The following CNTNAP2 variants were observed in gnomAD, a reference collection of about 807,000 sequenced individuals.
CNTNAP2 encodes contactin-associated protein-like 2.
Under a neutral mutation model 155.2 loss-of-function variants are expected in CNTNAP2, and 98 were observed. The ratio of observed to expected loss-of-function variants is 0.63; its 90% CI spans 0.54 to 0.75. CNTNAP2 has a LOEUF of 0.75. Among genes scored for constraint, CNTNAP2 ranks in the 30% least tolerant of loss-of-function variants. The pLI, the probability that CNTNAP2 is intolerant of heterozygous loss-of-function variation, is 0.00. For synonymous variants in CNTNAP2, 651 were observed against 631.2 expected, an observed-to-expected ratio of 1.03 and a Z score of -0.47; for missense variants, 1,727 against 1,688.1, an observed-to-expected ratio of 1.02 and a Z score of -0.40.
At chr7:148,042,675 G>A (rs578199413) in intron 15 of CNTNAP2, among the ~76,000 whole-genome samples, 2 of 152,120 alleles carry the variant, frequency 1.3e-5, no homozygotes, top group Non-Finnish European at 2.9e-5. Flanking sequence ...CACCTCCTGG[G>A]TATTCACGAT....
intron 12 of CNTNAP2, among the ~76,000 whole-genome samples, chr7:147,595,977 T>C (rs532128975): frequency 5.4e-4 from 82 of 152,030 alleles, no homozygotes; most frequent in African/African-American, 1.6e-3. Flanking sequence ...TGATTTTTTG[T>C]TTTTTTTGGC....
At chr7:146,861,906 A>G (rs1328302372) in intron 3 of CNTNAP2, among the ~76,000 whole-genome samples, 8 of 152,182 alleles carry the variant, frequency 5.3e-5, no homozygotes, top group Admixed American at 3.9e-4. Context: ...TGGCAACTCA[A>G]TTAACCTCTG....
chr7:146,912,221 G>T lies in CNTNAP2; in HGVS notation c.402+72317G>T, dbSNP rs1405697906. On this transcript the variant is annotated intron_variant, in intron 3 of 23. Coordinates refer to ENST00000361727, the MANE Select transcript of CNTNAP2 (RefSeq NM_014141.6). ...TAAATTTTCTTAAAATAGACTATTA[G>T]GATGCAGATGTTCTTGCTGACAGGT... 2.0e-5 allele frequency among the ~76,000 whole-genome samples: 3 copies of T among 150,068 alleles called. No homozygotes were observed. In the Admixed American group the frequency reaches 2.0e-4, roughly 10 times the overall value.
At chr7:147,638,614 G>A (rs1310476925) in intron 12 of CNTNAP2, among the ~76,000 whole-genome samples, 1 of 152,106 alleles carries the variant, frequency 6.6e-6, no homozygotes, top group Non-Finnish European at 1.5e-5. Context: ...TGCCTAAAAG[G>A]TCAGTGTGAA....
chr7:148,297,176 G>GGAAGGAAGGAAT (rs1444117638), intron 21 of CNTNAP2, among the ~76,000 whole-genome samples: 1 of 147,970 alleles, frequency 6.8e-6, no homozygotes, highest in Non-Finnish European at 1.5e-5. Context: ...AAGGAAGGAA[G>GGAAGGAAGGAAT]GAAGGAAGGA....
chr7:146,333,147 G>T (rs1414251196), intron 1 of CNTNAP2, among the ~76,000 whole-genome samples: 1 of 151,858 alleles, frequency 6.6e-6, no homozygotes, highest in Non-Finnish European at 1.5e-5. Flanking sequence ...GTTTCACCAT[G>T]TTGGCCAGCC....
rs556823933 is a variant in CNTNAP2 at position 147,557,544 on chromosome 7, C to A, written c.1778-4594C>A. On this transcript the variant is annotated intron_variant, in intron 11 of 23. Transcript: ENST00000361727. ...CTCAATTATCGACAATGGTTCAGAC[C>A]CTTCTGTTTCTTCAGTGGCTGCTGC... Among the ~76,000 whole-genome samples the A allele has an allele frequency of 2.3e-4, 35 of 152,152 alleles. No individual in the cohort carries two copies. In the East Asian group the frequency reaches 6.8e-3, roughly 29 times the overall value.
Position 147,956,060 on chromosome 7 carries a change from A to T in CNTNAP2, c.2256-21802A>T, listed in dbSNP as rs375540504. On this transcript the variant is annotated intron_variant, in intron 14 of 23. Coordinates refer to ENST00000361727, the MANE Select transcript of CNTNAP2 (RefSeq NM_014141.6). Reference sequence around the variant, plus strand: ...CCAGAATTTATAGCTTACTTAGCCTACTTAGCTACTTGCTTTGCTCATATA... The same window carrying T: ...CCAGAATTTATAGCTTACTTAGCCTTCTTAGCTACTTGCTTTGCTCATATA... Among the ~76,000 whole-genome samples the T allele has an allele frequency of 3.3e-5, 5 of 152,166 alleles. No individual in the cohort carries two copies. In the East Asian group the frequency reaches 9.6e-4, roughly 29 times the overall value.
At chr7:148,120,044 A>T (rs1804567056) in intron 16 of CNTNAP2, among the ~76,000 whole-genome samples, 1 of 151,712 alleles carries the variant, frequency 6.6e-6, no homozygotes, top group African/African-American at 2.4e-5. Flanking sequence ...CATAAGTTGG[A>T]TCAAATTTTA....
chr7:148,337,955 C>T (rs76972993), intron 21 of CNTNAP2, among the ~76,000 whole-genome samples: 9,045 of 152,212 alleles, frequency 0.059, 357 homozygotes, highest in Middle Eastern at 0.13. Context: ...AATTTACATA[C>T]GATAAAATCC....
chr7:147,283,309 G>T (rs2116730255), intron 8 of CNTNAP2, among the ~76,000 whole-genome samples: 1 of 151,576 alleles, frequency 6.6e-6, no homozygotes, highest in South Asian at 2.1e-4. Context: ...TGATTGTATA[G>T]TTCAAAGGCT....
intron 3 of CNTNAP2, among the ~76,000 whole-genome samples, chr7:146,996,223 T>C (rs188165570): frequency 1.8e-3 from 272 of 152,194 alleles, no homozygotes; most frequent in Non-Finnish European, 3.3e-3. Context: ...TGTGAAAAAG[T>C]AAATTTATGA....
intron 15 of CNTNAP2, among the ~76,000 whole-genome samples, chr7:148,082,106 C>T (rs761721009): frequency 1.3e-5 from 2 of 151,758 alleles, no homozygotes; most frequent in African/African-American, 2.4e-5. Flanking sequence ...GTCATCAGGC[C>T]GGCTTTTAAA....
At chr7:146,501,554 G>A (rs1244958262) in intron 1 of CNTNAP2, among the ~76,000 whole-genome samples, 1 of 151,812 alleles carries the variant, frequency 6.6e-6, no homozygotes, top group Non-Finnish European at 1.5e-5. Flanking sequence ...TTAAAATCCT[G>A]GTAGTAATAT....
In CNTNAP2 at chr7:147,486,014, G is replaced by A; in HGVS notation, c.1750G>A (p.Gly584Arg). The A allele has an allele frequency of 6.2e-7, 1 of 1,614,052 alleles. No individual in the cohort carries two copies. Among genetic ancestry groups the A allele is most frequent in the Non-Finnish European group, 8.5e-7 (1 of 1,179,940 alleles). The change falls in exon 11 of 24, where the codon GGA (glycine) becomes AGA (arginine). Residue 584 changes from glycine (G) to arginine (R), a missense_variant. Coordinates refer to ENST00000361727, the MANE Select transcript of CNTNAP2 (RefSeq NM_014141.6). Reference protein sequence around the residue: ...DSFKCTCDETGYSGATCHNSI... With the variant: ...DSFKCTCDETRYSGATCHNSI... ...CTTCAAATGCACTTGTGATGAGACA[G>A]GATACAGTGGGGCCACCTGCCACAA...
intron 1 of CNTNAP2, among the ~76,000 whole-genome samples, chr7:146,621,694 TG>T (rs1585010818): frequency 6.6e-6 from 1 of 152,192 alleles, no homozygotes; most frequent in African/African-American, 2.4e-5. Context: ...TTGTCACTGT[TG>T]ATGTTGATCT....
chr7:148,145,501 C>T (rs1805161601), intron 16 of CNTNAP2, among the ~76,000 whole-genome samples: 1 of 152,172 alleles, frequency 6.6e-6, no homozygotes, highest in Non-Finnish European at 1.5e-5. Context: ...TAGGGTTAAA[C>T]TCAATTTATC....
chr7:146,543,129 G>A (rs1248535027), intron 1 of CNTNAP2, among the ~76,000 whole-genome samples: 1 of 151,762 alleles, frequency 6.6e-6, no homozygotes, highest in Non-Finnish European at 1.5e-5. Context: ...TGCAACCATT[G>A]CACTATACAT....
intron 15 of CNTNAP2, among the ~76,000 whole-genome samples, chr7:147,986,706 T>C (rs1801623041): frequency 6.6e-6 from 1 of 152,164 alleles, no homozygotes; most frequent in Non-Finnish European, 1.5e-5. Context: ...CCTGGAACAA[T>C]GACCTTGGGT....
Sources: gnomAD v4.1 joint callset for allele counts (sites outside exome capture counted in the v4.1 genomes callset) on GRCh38, gnomAD v4.1.1 for gene constraint, MANE v1.5 for transcripts, NCBI Gene and HGNC (gene_info 2026-07-23, HGNC 2026-07-21) for gene names.